TMA16: variants seen among roughly 807,000 people sequenced by gnomAD.
TMA16 encodes translation machinery-associated protein 16.
Under a neutral mutation model 27.1 loss-of-function variants are expected in TMA16, and 26 were observed. The ratio of observed to expected loss-of-function variants is 0.96; its 90% CI spans 0.70 to 1.33. TMA16 has a LOEUF of 1.33. TMA16 is among the 40% of genes most tolerant of loss of function. The pLI is 0.00. For synonymous variants in TMA16, 71 were observed against 81.9 expected (o/e 0.87, Z 0.72); for missense variants, 233 against 241.4 (o/e 0.97, Z 0.23).
intron 1 of TMA16, among the ~76,000 whole-genome samples, chr4:163,499,351 T>C (rs1737611425): frequency 6.6e-6 from 1 of 152,164 alleles, no homozygotes; most frequent in Admixed American, 6.5e-5. Flanking sequence ...TTCTGAATTT[T>C]ATATAATGTT....
Position 163,517,458 on chromosome 4 carries a change from G to A in TMA16, c.413G>A (p.Ser138Asn), listed in dbSNP as rs374170976. The change falls in exon 6 of 7, where the codon AGT becomes AAT. Residue 138 changes from serine to asparagine, a missense_variant. By Grantham distance (46) the Ser-to-Asn change is conservative. Coordinates refer to ENST00000358572, the MANE Select transcript of TMA16 (RefSeq NM_018352.3). ...GAGATTCCAGACATTCTAAATGCAAGTAATCTGAAAACATTTAGGTGAGTC... is the reference window on the plus strand; with the variant it reads ...GAGATTCCAGACATTCTAAATGCAAATAATCTGAAAACATTTAGGTGAGTC... ...GLEIPDILNA[S>N]NLKTFREWDF... 2.7e-5 allele frequency: 44 copies of A among 1,613,404 alleles called. No individual in the cohort carries two copies. The African/African-American group carries it at 4.1e-4, about 15-fold the overall frequency.
chr4:163,516,931 T>A (rs922912802), intron 5 of TMA16: 2 of 152,936 alleles, frequency 1.3e-5, no homozygotes, highest in East Asian at 1.9e-4. Context: ...TTGACAGTTA[T>A]ACTTTGCCAG....
chr4:163,507,047 G>A lies in TMA16; in HGVS notation c.18G>A (p.Lys6=). The part of the protein sequence containing the change: MPKAP[K]GKSAGREKKV... ...ATACATTTTAGCCCAAAGCACCAAAGGGAAAAAGTGCAGGACGGGAAAAAA... is the reference window on the plus strand; with the variant it reads ...ATACATTTTAGCCCAAAGCACCAAAAGGAAAAAGTGCAGGACGGGAAAAAA... The change falls in exon 2 of 7, where the codon AAG becomes AAA. Residue 6 remains lysine (K), a synonymous_variant. Coordinates refer to ENST00000358572, the MANE Select transcript of TMA16 (RefSeq NM_018352.3). The A allele has an allele frequency of 1.3e-6, 2 of 1,588,736 alleles. No homozygotes were observed. Among genetic ancestry groups the A allele is most frequent in the Non-Finnish European group, 8.6e-7 (1 of 1,166,790 alleles).
At chr4:163,497,388 T>C (rs1467808821) in intron 1 of TMA16, among the ~76,000 whole-genome samples, 1 of 152,246 alleles carries the variant, frequency 6.6e-6, no homozygotes, top group Non-Finnish European at 1.5e-5. Flanking sequence ...AAAAATTGTA[T>C]TAGTTTCTTA....
chr4:163,511,270 G>A (rs1737792803), intron 2 of TMA16, among the ~76,000 whole-genome samples: 1 of 151,758 alleles, frequency 6.6e-6, no homozygotes, highest in African/African-American at 2.4e-5. Context: ...TCTAGTAGGT[G>A]TATAGTGGTA....
At chr4:163,511,213 A>T (rs1170255157) in intron 2 of TMA16, among the ~76,000 whole-genome samples, 1 of 151,960 alleles carries the variant, frequency 6.6e-6, no homozygotes, top group African/African-American at 2.4e-5. Flanking sequence ...ATCCTCTTTG[A>T]CATGTTATGT....
intron 1 of TMA16, among the ~76,000 whole-genome samples, chr4:163,500,016 C>T (rs549679292): frequency 2.0e-5 from 3 of 151,980 alleles, no homozygotes; most frequent in South Asian, 4.1e-4. Context: ...CTTTTTTGTG[C>T]GTGTGTGACA....
At chr4:163,495,012 AG>A (rs1182234611) in intron 1 of TMA16, among the ~76,000 whole-genome samples, 1 of 152,182 alleles carries the variant, frequency 6.6e-6, no homozygotes, top group Admixed American at 6.5e-5. Context: ...TCCGCGTCCG[AG>A]TGCTGAAGTG....
intron 6 of TMA16, 54 bp from the exon 7 acceptor site, chr4:163,519,280 C>T (rs1737930283): frequency 2.8e-6 from 4 of 1,439,234 alleles, no homozygotes; most frequent in Admixed American, 3.0e-5. Flanking sequence ...CCTGTTTTTC[C>T]ACATTAACTC....
At chr4:163,498,224 C>A (rs1256521868) in intron 1 of TMA16, among the ~76,000 whole-genome samples, 1 of 151,746 alleles carries the variant, frequency 6.6e-6, no homozygotes, top group Non-Finnish European at 1.5e-5. Flanking sequence ...TTATTTATCC[C>A]CCCTTTGGTA....
chr4:163,502,538 T>C (rs1737662798), intron 1 of TMA16, among the ~76,000 whole-genome samples: 1 of 152,172 alleles, frequency 6.6e-6, no homozygotes. Context: ...AGGTGCTAAA[T>C]GGTAAATGCT....
At chr4:163,514,410 G>C (rs1367222782) in intron 4 of TMA16, among the ~76,000 whole-genome samples, 2 of 152,148 alleles carry the variant, frequency 1.3e-5, no homozygotes, top group Non-Finnish European at 2.9e-5. Flanking sequence ...GCTGAAAGGT[G>C]GGGGTTAGCA....
chr4:163,517,384 T>G (rs555288521), intron 5 of TMA16, 50 bp from the exon 6 acceptor site: 7 of 1,493,064 alleles, frequency 4.7e-6, no homozygotes, highest in Non-Finnish European at 6.5e-6. Context: ...CATAAAATTA[T>G]GTGATTTAGA....
intron 1 of TMA16, among the ~76,000 whole-genome samples, chr4:163,500,584 G>A (rs912147834): frequency 2.6e-5 from 4 of 152,118 alleles, no homozygotes; most frequent in African/African-American, 9.7e-5. Flanking sequence ...TTGGTGGATT[G>A]ACTCAAACAA....
chr4:163,507,635 C>T (rs1327002005), intron 2 of TMA16, among the ~76,000 whole-genome samples: 4 of 151,916 alleles, frequency 2.6e-5, no homozygotes, highest in South Asian at 2.1e-4. Flanking sequence ...GATTTCAAGC[C>T]GTGAGACTGG....
At chr4:163,498,286 AT>A (rs10608478) in intron 1 of TMA16, among the ~76,000 whole-genome samples, 43,071 of 125,310 alleles carry the variant, frequency 0.34, 5,606 homozygotes, top group Admixed American at 0.46. Flanking sequence ...TGGTTAAAAG[AT>A]TTTTTTTTTT....
chr4:163,512,280 T>C (rs1418522974), intron 2 of TMA16: 1 of 152,180 alleles, frequency 6.6e-6, no homozygotes, highest in Non-Finnish European at 1.5e-5. Flanking sequence ...TATCCAGAGG[T>C]CTCCTGAATG....
intron 3 of TMA16, among the ~76,000 whole-genome samples, chr4:163,513,205 A>C (rs1300429161): frequency 6.6e-6 from 1 of 152,174 alleles, no homozygotes; most frequent in Non-Finnish European, 1.5e-5. Flanking sequence ...ATTCATATTT[A>C]TTTAATGATG....
rs34907234 is a variant in TMA16, at chr4:163,507,064, G to A, written c.35G>A (p.Arg12Gln). The A allele has an allele frequency of 1.7e-3, 2,747 of 1,593,836 alleles. 32 individuals are homozygous for A. The African/African-American group carries it at 0.026, about 15-fold the overall frequency. ...PKAPKGKSAG[R>Q]EKKVIHPYSR... ...GCACCAAAGGGAAAAAGTGCAGGAC[G>A]GGAAAAAAAAGTCATCCATCCATAT... The change falls in exon 2 of 7, where the codon CGG becomes CAG. Residue 12 changes from arginine to glutamine, a missense_variant. By Grantham distance (43) the Arg-to-Gln change is conservative. Coordinates refer to ENST00000358572, the MANE Select transcript of TMA16 (RefSeq NM_018352.3).
Sources: gnomAD v4.1 joint callset for allele counts (sites outside exome capture counted in the v4.1 genomes callset) on GRCh38, gnomAD v4.1.1 for gene constraint, MANE v1.5 for transcripts, NCBI Gene and HGNC (gene_info 2026-07-23, HGNC 2026-07-21) for gene names.